SPOCK3: variants seen among roughly 807,000 people sequenced by gnomAD.
SPOCK3 encodes the protein SPARC (osteonectin), cwcv and kazal like domains proteoglycan 3.
Under a neutral mutation model 56.6 loss-of-function variants are expected in SPOCK3, and 30 were observed. The observed-to-expected ratio is 0.53, with a 90% confidence interval of 0.40 to 0.72. SPOCK3 has a LOEUF of 0.72. Among genes scored for constraint, SPOCK3 ranks in the 30% least tolerant of loss-of-function variants. The pLI is 0.00. For synonymous variants in SPOCK3, 196 were observed against 183.3 expected (o/e 1.07, Z -0.56); for missense variants, 527 against 530.0 (o/e 0.99, Z 0.06).
At chr4:167,058,474 C>G (rs1160820941) in intron 3 of SPOCK3, among the ~76,000 whole-genome samples, 10 of 152,140 alleles carry the variant, frequency 6.6e-5, no homozygotes, top group African/African-American at 1.9e-4. Flanking sequence ...AGGAGAACTA[C>G]AAACCACTGC....
intron 2 of SPOCK3, among the ~76,000 whole-genome samples, chr4:167,195,601 T>C (rs1489996278): frequency 1.3e-5 from 2 of 152,188 alleles, no homozygotes. Context: ...AGATCTGTTT[T>C]AGTATTTACT....
intron 9 of SPOCK3, among the ~76,000 whole-genome samples, chr4:166,740,493 CTTATTATTA>C (rs71604445): frequency 4.3e-4 from 58 of 135,360 alleles, no homozygotes; most frequent in African/African-American, 1.4e-3. Context: ...TATATAAGAA[CTTATTATTA>C]TTATTATTAT....
intron 4 of SPOCK3, among the ~76,000 whole-genome samples, chr4:166,936,893 A>G (rs967508449): frequency 3.9e-5 from 6 of 152,064 alleles, no homozygotes. Flanking sequence ...AAATGTCTTC[A>G]TATTTTCATG....
At chr4:166,860,802 C>CATATATGTATAT (rs1731148639) in intron 6 of SPOCK3, among the ~76,000 whole-genome samples, 1 of 101,938 alleles carries the variant, frequency 9.8e-6, no homozygotes, top group Admixed American at 9.9e-5. Flanking sequence ...CACACAAATT[C>CATATATGTATAT]ATATATATAT....
intron 7 of SPOCK3, among the ~76,000 whole-genome samples, chr4:166,766,814 G>A (rs940075735): frequency 6.6e-6 from 1 of 152,102 alleles, no homozygotes; most frequent in South Asian, 2.1e-4. Flanking sequence ...AATCCATCTG[G>A]TCCTGGACTT....
At chr4:167,222,908 T>C in intron 2 of SPOCK3, among the ~76,000 whole-genome samples, 1 of 127,984 alleles carries the variant, frequency 7.8e-6, no homozygotes, top group South Asian at 2.3e-4. Flanking sequence ...TATATAAACA[T>C]AGATATGTTT....
intron 2 of SPOCK3, among the ~76,000 whole-genome samples, chr4:167,098,387 T>A (rs1231899797): frequency 1.3e-5 from 2 of 152,060 alleles, no homozygotes; most frequent in African/African-American, 4.8e-5. Context: ...TTTTCTTGAT[T>A]AATTTTTAAA....
At chr4:166,966,128 T>C (rs1744705419) in intron 4 of SPOCK3, among the ~76,000 whole-genome samples, 1 of 152,084 alleles carries the variant, frequency 6.6e-6, no homozygotes, top group Non-Finnish European at 1.5e-5. Context: ...CTTAGTAATG[T>C]GGGTTTCAGT....
chr4:166,752,113 T>C (rs1319020679), intron 8 of SPOCK3, among the ~76,000 whole-genome samples: 2 of 152,014 alleles, frequency 1.3e-5, no homozygotes, highest in Non-Finnish European at 2.9e-5. Flanking sequence ...CTCAGCTCAC[T>C]GCAACCTCCA....
At chr4:167,212,240 T>C (rs1309215302) in intron 2 of SPOCK3, among the ~76,000 whole-genome samples, 1 of 152,114 alleles carries the variant, frequency 6.6e-6, no homozygotes, top group African/African-American at 2.4e-5. Context: ...AAAAAAGATT[T>C]ACTTTTTTTT....
intron 2 of SPOCK3, among the ~76,000 whole-genome samples, chr4:167,215,026 A>G (rs1455429324): frequency 6.6e-6 from 1 of 151,548 alleles, no homozygotes; most frequent in Non-Finnish European, 1.5e-5. Flanking sequence ...TTCAAACATG[A>G]TAGTAAAAAG....
At chr4:166,850,244 T>G (rs1316188003) in intron 6 of SPOCK3, among the ~76,000 whole-genome samples, 1 of 152,234 alleles carries the variant, frequency 6.6e-6, no homozygotes. Flanking sequence ...TTATCAACAC[T>G]TATTATTTTC....
intron 4 of SPOCK3, among the ~76,000 whole-genome samples, chr4:166,976,911 A>G (rs958148935): frequency 1.3e-5 from 2 of 151,658 alleles, no homozygotes; most frequent in Admixed American, 1.3e-4. Flanking sequence ...ATTTTATTAT[A>G]CCATTTGATT....
intron 6 of SPOCK3, among the ~76,000 whole-genome samples, chr4:166,814,171 G>T (rs968448514): frequency 6.6e-6 from 1 of 151,958 alleles, no homozygotes; most frequent in South Asian, 2.1e-4. Context: ...TCAAACAACG[G>T]CAATTTTGTG....
At chr4:167,226,534 A>G (rs1049199877) in intron 2 of SPOCK3, among the ~76,000 whole-genome samples, 4 of 152,162 alleles carry the variant, frequency 2.6e-5, no homozygotes, top group Non-Finnish European at 5.9e-5. Context: ...GCATAACCAG[A>G]TACCGTAGTT....
intron 2 of SPOCK3, among the ~76,000 whole-genome samples, chr4:167,186,033 T>C (rs1033919924): frequency 3.9e-5 from 6 of 152,088 alleles, no homozygotes; most frequent in African/African-American, 1.4e-4. Context: ...GCTCTAAAGA[T>C]ATAAAAGTAG....
At position 166,754,589 on chromosome 4, in the gene SPOCK3, C is replaced by T; in HGVS notation, c.850G>A (p.Ala284Thr). The T allele has an allele frequency of 6.2e-7, 1 of 1,613,536 alleles. No individual in the cohort carries two copies. The highest frequency in any genetic ancestry group is 1.1e-5 in the South Asian group (1 of 91,048). Residue 284 changes from alanine to threonine, a missense_variant, in exon 8 of 11, where the codon GCA becomes ACA. Transcript: ENST00000357545. ...YLDKNEQCTKAFFNSCDTYKD... is the reference protein window; with the variant it reads ...YLDKNEQCTKTFFNSCDTYKD... ...TATGTGTCACAAGAATTGAAGAATG[C>T]CTTGGTACACTGTTCATTCTTATCA...
chr4:166,939,116 G>A (rs1044171280), intron 4 of SPOCK3, among the ~76,000 whole-genome samples: 1 of 152,050 alleles, frequency 6.6e-6, no homozygotes, highest in Non-Finnish European at 1.5e-5. Context: ...GCTAGTATTT[G>A]GTAGAACATA....
intron 4 of SPOCK3, among the ~76,000 whole-genome samples, chr4:166,993,989 A>C (rs1269928140): frequency 6.6e-6 from 1 of 152,174 alleles, no homozygotes; most frequent in African/African-American, 2.4e-5. Context: ...AATTTGCTCA[A>C]AGTCATTCTG....
Sources: allele counts gnomAD v4.1 joint callset (sites outside exome capture counted in the v4.1 genomes callset), GRCh38; gene constraint gnomAD v4.1.1; transcripts MANE v1.5; gene names NCBI Gene and HGNC (gene_info 2026-07-23, HGNC 2026-07-21).